NPFFR2: variants seen among roughly 807,000 people sequenced by gnomAD.
NPFFR2 encodes the protein G-protein coupled receptor 74.
NPFFR2 carries 15 observed loss-of-function variants against 13.1 expected under a neutral mutation model. The observed-to-expected ratio is 1.15, with a 90% confidence interval of 0.77 to 1.76. The LOEUF (loss-of-function observed/expected upper bound fraction) is 1.76. Ranked by LOEUF, NPFFR2 falls within the 40% of genes most tolerant of loss-of-function variation. The probability of loss-of-function intolerance (pLI) is 0.00; values close to 1 mark genes in which losing one functional copy is unlikely to be tolerated. For synonymous variants in NPFFR2, 190 were observed against 175.7 expected (o/e 1.08, Z -0.65); for missense variants, 572 against 503.5 (o/e 1.14, Z -1.30).
At chr4:72,133,949 G>T (rs28539758) in intron 2 of NPFFR2, among the ~76,000 whole-genome samples, 6,670 of 150,846 alleles carry the variant, frequency 0.044, 406 homozygotes, top group African/African-American at 0.14. Flanking sequence ...ACATTAATTA[G>T]TTTAAAGTTC....
At chr4:72,087,044 G>T (rs1453658375) in intron 1 of NPFFR2, among the ~76,000 whole-genome samples, 1 of 152,008 alleles carries the variant, frequency 6.6e-6, no homozygotes, top group Non-Finnish European at 1.5e-5. Context: ...TTCACATTTA[G>T]CATTAGAAGA....
At chr4:72,055,663 C>T (rs534185382) in intron 1 of NPFFR2, among the ~76,000 whole-genome samples, 1 of 152,056 alleles carries the variant, frequency 6.6e-6, no homozygotes, top group Non-Finnish European at 1.5e-5. Flanking sequence ...CAGGCCAAAC[C>T]CTAGGCCTCT....
At chr4:72,136,965 G>A (rs1356178619) in intron 2 of NPFFR2, among the ~76,000 whole-genome samples, 1 of 152,120 alleles carries the variant, frequency 6.6e-6, no homozygotes, top group East Asian at 1.9e-4. Flanking sequence ...ATTGTGTGAG[G>A]GAGATAAGGT....
Position 72,128,633 on chromosome 4 carries a change from T to A in NPFFR2, c.42T>A (p.His14Gln). The A allele has an allele frequency of 6.2e-7, 1 of 1,612,144 alleles. No individual in the cohort carries two copies. Among genetic ancestry groups the A allele is most frequent in the Non-Finnish European group, 8.5e-7 (1 of 1,178,392 alleles). Residue 14 changes from histidine (H) to glutamine (Q), a missense_variant, in exon 2 of 4, where the codon CAT (histidine) becomes CAA (glutamine). Transcript: ENST00000308744. ...KWDTNSSENW[H>Q]PIWNVNDTKH... is the part of the protein sequence containing the mutation. ...ACACAAACTCTTCAGAAAACTGGCA[T>A]CCCATCTGGAATGTCAATGACACAA...
intron 3 of NPFFR2, among the ~76,000 whole-genome samples, chr4:72,144,498 T>C (rs897719754): frequency 1.3e-5 from 2 of 152,322 alleles, no homozygotes; most frequent in Non-Finnish European, 1.5e-5. Flanking sequence ...AATGCTTTTT[T>C]TTTCAGGGCT....
intron 1 of NPFFR2, among the ~76,000 whole-genome samples, chr4:72,060,040 C>T (rs977870879): frequency 6.6e-6 from 1 of 152,070 alleles, no homozygotes; most frequent in Non-Finnish European, 1.5e-5. Flanking sequence ...CAAGTAGATC[C>T]AGCTTCCCAT....
At chr4:72,041,527 C>T (rs766404389) in intron 1 of NPFFR2, among the ~76,000 whole-genome samples, 1 of 152,086 alleles carries the variant, frequency 6.6e-6, no homozygotes, top group African/African-American at 2.4e-5. Context: ...AATGGGATTG[C>T]TGGTTTGAAT....
intron 1 of NPFFR2, among the ~76,000 whole-genome samples, chr4:72,125,938 G>A (rs1722033487): frequency 6.6e-6 from 1 of 152,124 alleles, no homozygotes; most frequent in South Asian, 2.1e-4. Context: ...GACCATAGGT[G>A]GTAGGAAGTT....
At chr4:72,128,250 A>T (rs1343623691) in intron 1 of NPFFR2, among the ~76,000 whole-genome samples, 2 of 86,738 alleles carry the variant, frequency 2.3e-5, no homozygotes, top group Non-Finnish European at 3.3e-5. Context: ...ACAGAATATG[A>T]TACCTGGAGG....
chr4:72,044,660 T>A (rs1174286014), intron 1 of NPFFR2, among the ~76,000 whole-genome samples: 1 of 152,116 alleles, frequency 6.6e-6, no homozygotes, highest in African/African-American at 2.4e-5. Flanking sequence ...TGTTGAGAAT[T>A]TTTTTTCATG....
chr4:72,137,547 C>T (rs1722455554), intron 2 of NPFFR2, among the ~76,000 whole-genome samples: 1 of 152,046 alleles, frequency 6.6e-6, no homozygotes, highest in African/African-American at 2.4e-5. Context: ...ACTCCTGATT[C>T]CTCATAATTT....
intron 2 of NPFFR2, among the ~76,000 whole-genome samples, chr4:72,130,913 G>A (rs1722218589): frequency 6.6e-6 from 1 of 152,148 alleles, no homozygotes. Context: ...ATTGAAGTGT[G>A]GTGAATGTGG....
At chr4:72,055,453 A>G (rs751660498) in intron 1 of NPFFR2, among the ~76,000 whole-genome samples, 3 of 151,992 alleles carry the variant, frequency 2.0e-5, no homozygotes, top group Non-Finnish European at 4.4e-5. Context: ...CATAGCACAT[A>G]GTAGAGCAGA....
At chr4:72,095,089 T>C (rs1385892732) in intron 1 of NPFFR2, among the ~76,000 whole-genome samples, 2 of 152,226 alleles carry the variant, frequency 1.3e-5, no homozygotes, top group Non-Finnish European at 2.9e-5. Context: ...TTCATTGTTT[T>C]CGTTAATGAA....
intron 1 of NPFFR2, among the ~76,000 whole-genome samples, chr4:72,119,900 C>T (rs1721820185): frequency 6.6e-6 from 1 of 152,062 alleles, no homozygotes; most frequent in South Asian, 2.1e-4. Flanking sequence ...TTTTCATACC[C>T]CAGTGGCACC....
chr4:72,118,479 T>C (rs186612679), intron 1 of NPFFR2, among the ~76,000 whole-genome samples: 1 of 152,254 alleles, frequency 6.6e-6, no homozygotes, highest in East Asian at 1.9e-4. Flanking sequence ...ACGCAGGTAT[T>C]AATCATGAAT....
At chr4:72,050,622 T>G (rs1463184109) in intron 1 of NPFFR2, among the ~76,000 whole-genome samples, 1 of 152,048 alleles carries the variant, frequency 6.6e-6, no homozygotes, top group Admixed American at 6.6e-5. Context: ...ATGTATTTTT[T>G]TAAATTATAC....
At chr4:72,046,547 G>T (rs1375832981) in intron 1 of NPFFR2, among the ~76,000 whole-genome samples, 3 of 152,192 alleles carry the variant, frequency 2.0e-5, no homozygotes, top group Middle Eastern at 3.4e-3. Context: ...TTCTTTATAA[G>T]TTACTCAGTG....
At chr4:72,138,774 C>T (rs1327355574) in intron 3 of NPFFR2, among the ~76,000 whole-genome samples, 1 of 152,036 alleles carries the variant, frequency 6.6e-6, no homozygotes, top group Non-Finnish European at 1.5e-5. Flanking sequence ...TGGGTATATA[C>T]CTAGTAATGG....
Sources: allele counts gnomAD v4.1 joint callset (sites outside exome capture counted in the v4.1 genomes callset), GRCh38; gene constraint gnomAD v4.1.1; transcripts MANE v1.5; gene names NCBI Gene and HGNC (gene_info 2026-07-23, HGNC 2026-07-21).